Variants in WDR7 observed in about 807,000 individuals in gnomAD.
WDR7 encodes the protein WD repeat domain 7, also known as WD repeat-containing protein 7.
A neutral mutation model predicts 169.4 loss-of-function variants in WDR7; 46 were observed. The observed-to-expected ratio is 0.27, with a 90% confidence interval of 0.21 to 0.35. The LOEUF is 0.35. Ranked by LOEUF, WDR7 falls within the 10% of genes least tolerant of loss-of-function variation. The probability of loss-of-function intolerance (pLI) is 1.00; values close to 1 mark genes in which losing one functional copy is unlikely to be tolerated. For synonymous variants in WDR7, 612 were observed against 666.8 expected, an observed-to-expected ratio of 0.92 and a Z score of 1.27; for missense variants, 1,534 against 1,859.3, an observed-to-expected ratio of 0.83 and a Z score of 3.22.
At chr18:56,965,314 A>C (rs1254263946) in intron 26 of WDR7, among the ~76,000 whole-genome samples, 1 of 152,298 alleles carries the variant, frequency 6.6e-6, no homozygotes, top group South Asian at 2.1e-4. Context: ...CAGTGGGATC[A>C]GAGAACCCAT....
intron 19 of WDR7, chr18:56,782,137 A>T (rs78897216): frequency 0.026 from 4,011 of 152,338 alleles, 70 homozygotes; most frequent in African/African-American, 0.051. Context: ...TTTGATGGAT[A>T]AATCTTTCAA....
chr18:56,910,977 T>C (rs188673350), intron 21 of WDR7, among the ~76,000 whole-genome samples: 9 of 152,328 alleles, frequency 5.9e-5, no homozygotes, highest in Admixed American at 3.9e-4. Context: ...TTGCCTTCCC[T>C]CTTTGTTTGA....
chr18:56,767,048 TTC>T (rs1368361377), intron 16 of WDR7, among the ~76,000 whole-genome samples: 10 of 152,152 alleles, frequency 6.6e-5, no homozygotes, highest in African/African-American at 2.4e-4. Flanking sequence ...TGGAAACAGT[TTC>T]TTTTTTTTCC....
chr18:56,940,152 A>G (rs2047014872), intron 25 of WDR7, among the ~76,000 whole-genome samples: 1 of 152,132 alleles, frequency 6.6e-6, no homozygotes, highest in Admixed American at 6.5e-5. Flanking sequence ...TTGTTTTTGT[A>G]GAAAACAGAA....
At chr18:56,668,832 G>C (rs2025074299) in intron 1 of WDR7, among the ~76,000 whole-genome samples, 1 of 151,544 alleles carries the variant, frequency 6.6e-6, no homozygotes, top group Admixed American at 6.6e-5. Flanking sequence ...CAACCTTATT[G>C]AATATTAAGT....
intron 26 of WDR7, among the ~76,000 whole-genome samples, chr18:56,991,143 A>ATTTTTTTTTTTTTT (rs60092817): frequency 9.0e-6 from 1 of 110,734 alleles, no homozygotes; most frequent in Non-Finnish European, 1.7e-5. Context: ...CCTTCTCCTC[A>ATTTTTTTTTTTTTT]TTTTTTTTTT....
intron 21 of WDR7, among the ~76,000 whole-genome samples, chr18:56,891,280 A>G (rs1428901292): frequency 1.3e-5 from 2 of 152,102 alleles, no homozygotes; most frequent in South Asian, 2.1e-4. Context: ...TGATTTTGTT[A>G]TTTGGGAACC....
At chr18:56,964,257 A>G (rs1460746776) in intron 26 of WDR7, among the ~76,000 whole-genome samples, 1 of 151,784 alleles carries the variant, frequency 6.6e-6, no homozygotes, top group Non-Finnish European at 1.5e-5. Flanking sequence ...ATCTTTTTCA[A>G]TTAAAATACT....
intron 20 of WDR7, among the ~76,000 whole-genome samples, chr18:56,845,775 T>A (rs2045556984): frequency 6.6e-6 from 1 of 152,176 alleles, no homozygotes; most frequent in South Asian, 2.1e-4. Context: ...GTATTAGATA[T>A]AAGTTTCTTT....
intron 19 of WDR7, among the ~76,000 whole-genome samples, chr18:56,802,360 TGTTTTTG>T (rs2044689778): frequency 6.6e-6 from 1 of 151,900 alleles, no homozygotes; most frequent in South Asian, 2.1e-4. Flanking sequence ...ATTTTTGTTT[TGTTTTTG>T]GTTTTGGTTT....
chr18:56,752,074 A>C (rs1373036108), intron 14 of WDR7, among the ~76,000 whole-genome samples: 1 of 152,170 alleles, frequency 6.6e-6, no homozygotes, highest in East Asian at 1.9e-4. Flanking sequence ...ACAGTTCTCA[A>C]ACTTTACTGC....
At chr18:56,777,823 C>T (rs1370630479) in intron 17 of WDR7, among the ~76,000 whole-genome samples, 1 of 152,114 alleles carries the variant, frequency 6.6e-6, no homozygotes, top group African/African-American at 2.4e-5. Context: ...AAAAGTGTAA[C>T]TTCATTTTTG....
intron 25 of WDR7, among the ~76,000 whole-genome samples, chr18:56,959,273 G>T (rs2047302114): frequency 6.6e-6 from 1 of 152,106 alleles, no homozygotes; most frequent in Admixed American, 6.6e-5. Context: ...AGCGTGAACA[G>T]GGCTGTGAAC....
At chr18:56,905,176 T>A (rs2145578789) in intron 21 of WDR7, among the ~76,000 whole-genome samples, 1 of 152,296 alleles carries the variant, frequency 6.6e-6, no homozygotes, top group African/African-American at 2.4e-5. Flanking sequence ...TTTGAGATAG[T>A]CTTGCTCTGT....
rs749238438 is a variant in WDR7 at position 56,694,634 on chromosome 18, C to T, written c.982C>T (p.Pro328Ser). 7 of 1,609,298 alleles carry T rather than the reference C, an allele frequency of 4.3e-6. No individual in the cohort carries two copies. In the African/African-American group the frequency reaches 6.7e-5, roughly 15 times the overall value. ...TTTTTGGCAGTTGCTAATTTGTCCT[C>T]CTGTTACTCGGTTCTTCTATGGATG... Reference protein sequence around the residue: ...RKDKELLICPPVTRFFYGCRE... With the variant: ...RKDKELLICPSVTRFFYGCRE... Residue 328 changes from proline (P) to serine (S), a missense_variant, in exon 10 of 28, where the codon CCT (proline) becomes TCT (serine). Coordinates refer to ENST00000254442, the MANE Select transcript of WDR7 (RefSeq NM_015285.3).
intron 26 of WDR7, among the ~76,000 whole-genome samples, chr18:56,984,456 T>A (rs1305263304): frequency 1.3e-5 from 2 of 152,204 alleles, no homozygotes; most frequent in Non-Finnish European, 2.9e-5. Context: ...TAGTTTTAGT[T>A]CTTATTTACC....
At chr18:56,770,822 G>A (rs567552259) in intron 16 of WDR7, among the ~76,000 whole-genome samples, 1 of 151,652 alleles carries the variant, frequency 6.6e-6, no homozygotes, top group African/African-American at 2.4e-5. Flanking sequence ...AAGAATCTTT[G>A]GACATTGCAT....
chr18:56,727,050 A>G (rs79542752), intron 13 of WDR7, among the ~76,000 whole-genome samples: 8 of 152,292 alleles, frequency 5.3e-5, no homozygotes, highest in Non-Finnish European at 1.2e-4. Context: ...ACTCTAAGCT[A>G]TCTGTCTTCA....
chr18:56,913,875 T>C (rs1049459722), intron 21 of WDR7, among the ~76,000 whole-genome samples: 2 of 152,190 alleles, frequency 1.3e-5, no homozygotes, highest in Non-Finnish European at 2.9e-5. Context: ...GCATTCTGTC[T>C]TGCCTGAGCC....
Sources: gnomAD v4.1 joint callset for allele counts (sites outside exome capture counted in the v4.1 genomes callset) on GRCh38, gnomAD v4.1.1 for gene constraint, MANE v1.5 for transcripts, NCBI Gene and HGNC (gene_info 2026-07-23, HGNC 2026-07-21) for gene names.